Variants in PSKH1 observed in about 807,000 individuals in gnomAD.
PSKH1 encodes the protein protein serine kinase H1, also known as serine/threonine-protein kinase H1.
A neutral mutation model predicts 26.7 loss-of-function variants in PSKH1; 12 were observed. That is an observed-to-expected ratio of 0.45 (90% CI 0.29 to 0.73). PSKH1 has a LOEUF of 0.73. Ranked by LOEUF, PSKH1 falls within the 30% of genes least tolerant of loss-of-function variation. PSKH1 has a pLI of 0.11. For missense variants in PSKH1, 431 were observed against 595.2 expected (o/e 0.72, Z 2.87); for synonymous variants, 213 against 234.3 (o/e 0.91, Z 0.83).
chr16:67,918,869 G>T (rs985110971), intron 2 of PSKH1, among the ~76,000 whole-genome samples: 2 of 152,146 alleles, frequency 1.3e-5, no homozygotes, highest in East Asian at 3.8e-4. Context: ...TGGGATTACA[G>T]GTGTGAGCCA....
intron 2 of PSKH1, among the ~76,000 whole-genome samples, chr16:67,922,996 A>G (rs1283242000): frequency 6.6e-6 from 1 of 152,234 alleles, no homozygotes; most frequent in Non-Finnish European, 1.5e-5. Flanking sequence ...GACCGCTGGC[A>G]GTGGCTTGGG....
chr16:67,895,304 G>C (rs59840260), intron 1 of PSKH1, among the ~76,000 whole-genome samples: 1 of 151,712 alleles, frequency 6.6e-6, no homozygotes, highest in Non-Finnish European at 1.5e-5. Context: ...GGCTCAAGCA[G>C]TCCTCCCACC....
chr16:67,914,193 AG>A (rs1387976915), intron 2 of PSKH1, among the ~76,000 whole-genome samples: 2 of 151,882 alleles, frequency 1.3e-5, no homozygotes, highest in African/African-American at 4.8e-5. Flanking sequence ...CTTGTTGCCC[AG>A]GCTGGAGTGC....
At chr16:67,910,992 G>A (rs2058171696) in intron 2 of PSKH1, among the ~76,000 whole-genome samples, 1 of 152,190 alleles carries the variant, frequency 6.6e-6, no homozygotes, top group Admixed American at 6.5e-5. Context: ...GCTGATGGAA[G>A]GTACAGAAAA....
rs1230498013 is a variant in PSKH1, at chr16:67,909,731, G to A, written c.957+25G>A. On this transcript the variant is annotated intron_variant, in intron 2 of 2. Transcript: ENST00000291041. The surrounding 1 kb of genome is among the most constrained non-coding windows in gnomAD (Gnocchi z 7.8). ...GGTGAGTCTGTCCTGCCCCTGTCCT[G>A]GATGTTGGGGAGGCACCTGCGGGGG... The A allele has an allele frequency of 6.3e-7, 1 of 1,594,358 alleles. No homozygotes were observed. The highest frequency in any genetic ancestry group is 8.5e-7 in the Non-Finnish European group (1 of 1,171,682).
At position 67,901,392 on chromosome 16, in the gene PSKH1, C is replaced by T. The variant is rs139729977; in HGVS notation, c.-70-7288C>T. Among the ~76,000 whole-genome samples the T allele has an allele frequency of 6.7e-3, 1,019 of 152,222 alleles. 21 individuals carry two copies. Among genetic ancestry groups the T allele is most frequent in the African/African-American group, 0.023 (944 of 41,516 alleles). Reference sequence around the variant, plus strand: ...TATCGCCCAGGCTGGAGTGCAGTGGCGCGATCTCAGCTCACTGCAACCTCC... The same window carrying T: ...TATCGCCCAGGCTGGAGTGCAGTGGTGCGATCTCAGCTCACTGCAACCTCC... On this transcript the variant is annotated intron_variant, in intron 1 of 2. Transcript: ENST00000291041.
At chr16:67,918,549 C>A (rs1176183079) in intron 2 of PSKH1, among the ~76,000 whole-genome samples, 1 of 150,036 alleles carries the variant, frequency 6.7e-6, no homozygotes, top group Non-Finnish European at 1.5e-5. Context: ...TGATCTGGGG[C>A]TAAGTATACC....
rs532020918 is a variant in PSKH1, at chr16:67,922,713, A to G, written c.958-4612A>G. ...AAAGTGAAGGCGGTGTGATTTCTCTAAGGCCGACAGAGAAGGTAGAACTAG... is the reference window on the plus strand; with the variant it reads ...AAAGTGAAGGCGGTGTGATTTCTCTGAGGCCGACAGAGAAGGTAGAACTAG... On this transcript the variant is annotated intron_variant, in intron 2 of 2. Coordinates refer to ENST00000291041, the MANE Select transcript of PSKH1 (RefSeq NM_006742.3). Among the ~76,000 whole-genome samples, 9 of 152,332 alleles carry G rather than the reference A, an allele frequency of 5.9e-5. No homozygotes were observed. In the East Asian group the frequency reaches 1.2e-3, roughly 20 times the overall value.
intron 1 of PSKH1, among the ~76,000 whole-genome samples, chr16:67,896,671 A>G (rs778579400): frequency 1.3e-5 from 2 of 151,532 alleles, no homozygotes; most frequent in South Asian, 2.1e-4. Context: ...GCCTCCCGCA[A>G]TATGGTGCCT....
At chr16:67,904,378 ATT>A (rs1480852644) in intron 1 of PSKH1, among the ~76,000 whole-genome samples, 2 of 151,100 alleles carry the variant, frequency 1.3e-5, no homozygotes, top group African/African-American at 4.9e-5. Flanking sequence ...ATATTTTTGT[ATT>A]TTTTTGGTAG....
intron 1 of PSKH1, among the ~76,000 whole-genome samples, chr16:67,896,380 A>G (rs189441591): frequency 6.8e-4 from 103 of 152,204 alleles, no homozygotes; most frequent in Non-Finnish European, 1.3e-3. Context: ...AAGTGCTGGG[A>G]TTACAAGCAT....
At chr16:67,896,739 C>A (rs1382225082) in intron 1 of PSKH1, among the ~76,000 whole-genome samples, 1 of 151,988 alleles carries the variant, frequency 6.6e-6, no homozygotes, top group Non-Finnish European at 1.5e-5. Context: ...AATGCTGATT[C>A]ACTAGAGGGT....
rs2058223961 is a variant in PSKH1, at chr16:67,928,128, C to T, written c.*486C>T. The T allele has an allele frequency of 6.5e-6, 1 of 154,450 alleles. No individual in the cohort carries two copies. Among genetic ancestry groups the T allele is most frequent in the South Asian group, 2.0e-4 (1 of 4,956 alleles). The allele number at this position is 154,450 out of a possible 1,614,324, so 9.6% of individuals were successfully genotyped here. ...CATCCTGATCCTTAAGATTATGCTC[C>T]AGTGGGAGACCCTGGTAGGCACAAA... On this transcript the variant is annotated 3_prime_UTR_variant, in exon 3 of 3. Coordinates refer to ENST00000291041, the MANE Select transcript of PSKH1 (RefSeq NM_006742.3). The surrounding 1 kb of genome is among the most constrained non-coding windows in gnomAD (Gnocchi z 4.8).
intron 2 of PSKH1, among the ~76,000 whole-genome samples, chr16:67,921,525 G>C (rs1160147638): frequency 6.6e-6 from 1 of 151,976 alleles, no homozygotes; most frequent in Non-Finnish European, 1.5e-5. Context: ...AGTTAGCTGA[G>C]ATTGCACATC....
intron 1 of PSKH1, among the ~76,000 whole-genome samples, chr16:67,897,721 C>T (rs1344332619): frequency 6.6e-6 from 1 of 152,192 alleles, no homozygotes; most frequent in Non-Finnish European, 1.5e-5. Context: ...AGGTCTCACT[C>T]TGTTGCCCAG....
intron 2 of PSKH1, among the ~76,000 whole-genome samples, chr16:67,925,125 T>C (rs1004982738): frequency 2.0e-5 from 3 of 151,910 alleles, no homozygotes; most frequent in Admixed American, 2.0e-4. Context: ...TCTTGAGCTG[T>C]GATCCAAAAG....
intron 1 of PSKH1, among the ~76,000 whole-genome samples, chr16:67,898,727 A>C (rs1183275878): frequency 1.3e-5 from 2 of 150,748 alleles, no homozygotes; most frequent in Non-Finnish European, 2.9e-5. Flanking sequence ...GGGTTCAAGC[A>C]GTTCCCTGCC....
intron 2 of PSKH1, among the ~76,000 whole-genome samples, chr16:67,911,499 A>G (rs2058173135): frequency 1.3e-5 from 2 of 152,328 alleles, no homozygotes; most frequent in African/African-American, 4.8e-5. Flanking sequence ...CCTGGCCAAC[A>G]TGGTGAAACC....
At chr16:67,921,449 C>G (rs937711648) in intron 2 of PSKH1, among the ~76,000 whole-genome samples, 3 of 151,706 alleles carry the variant, frequency 2.0e-5, no homozygotes, top group African/African-American at 4.8e-5. Context: ...GTGGCATGCA[C>G]CTGTAGTCCC....
Sources: allele counts gnomAD v4.1 joint callset (sites outside exome capture counted in the v4.1 genomes callset), GRCh38; gene constraint gnomAD v4.1.1; non-coding constraint Gnocchi (gnomAD v3.1); transcripts MANE v1.5; gene names NCBI Gene and HGNC (gene_info 2026-07-23, HGNC 2026-07-21).